PLAGL1: variants seen among roughly 807,000 people sequenced by gnomAD.
PLAGL1 encodes the protein zinc finger protein PLAGL1.
A neutral mutation model predicts 4.6 loss-of-function variants in PLAGL1; 1 was observed. The observed-to-expected ratio is 0.22, with a 90% CI of 0.08 to 1.03. The LOEUF (loss-of-function observed/expected upper bound fraction) is 1.03, where lower values mean the gene tolerates loss of function less well. Ranked by LOEUF, PLAGL1 falls within the 50% of genes least tolerant of loss-of-function variation. The probability of loss-of-function intolerance (pLI) is 0.58; values close to 1 mark genes in which losing one functional copy is unlikely to be tolerated. For missense variants in PLAGL1, 464 were observed against 570.4 expected, an observed-to-expected ratio of 0.81 and a Z score of 1.90; for synonymous variants, 240 against 237.8, an observed-to-expected ratio of 1.01 and a Z score of -0.08.
In PLAGL1 at chr6:143,968,667, A is replaced by G. The variant is rs2128574871; in HGVS notation, c.-472+240T>C. On this transcript the variant is annotated intron_variant, in intron 3 of 7. Coordinates refer to ENST00000674357, the MANE Select transcript of PLAGL1 (RefSeq NM_001317162.2). The surrounding 1 kb of genome is among the most constrained non-coding windows in gnomAD (Gnocchi z 6.3). ...CTCTTGAATTTTTAGAGTGAAAAAC[A>G]GGCTTTCATTAAGTCCACATCTTAA... 6.6e-6 allele frequency: 1 copy of G among 152,360 alleles called. No homozygotes were observed. Among genetic ancestry groups the G allele is most frequent in the African/African-American group, 2.4e-5 (1 of 41,588 alleles). 9.4% of individuals were successfully genotyped at this position (152,360 alleles called of 1,614,324 possible).
In PLAGL1 at chr6:144,000,321, G is replaced by T. The variant is rs1408512819; in HGVS notation, c.-584+7769C>A. ...AGAGATTTGAAGATCAGAAGGAAAA[G>T]AAAAAAATCATTTCTTGCAAATTAT... is the stretch of plus-strand genomic sequence containing the variant. On this transcript the variant is annotated intron_variant, in intron 1 of 7. Coordinates refer to ENST00000674357, the MANE Select transcript of PLAGL1 (RefSeq NM_001317162.2). The surrounding 1 kb of genome is among the most constrained non-coding windows in gnomAD (Gnocchi z 4.1). Among the ~76,000 whole-genome samples, 1 of 151,660 alleles carries T rather than the reference G, an allele frequency of 6.6e-6. No individual in the cohort carries two copies. Among genetic ancestry groups the T allele is most frequent in the Admixed American group, 6.6e-5 (1 of 15,230 alleles).
intron 1 of PLAGL1, among the ~76,000 whole-genome samples, chr6:143,993,329 A>AC (rs779507833): frequency 1.0e-3 from 70 of 66,836 alleles, no homozygotes; most frequent in African/African-American, 3.5e-3. Flanking sequence ...AAAACAAAAC[A>AC]AAACACACAC....
intron 1 of PLAGL1, among the ~76,000 whole-genome samples, chr6:144,002,175 T>G (rs1389708331): frequency 6.6e-6 from 1 of 152,182 alleles, no homozygotes; most frequent in African/African-American, 2.4e-5. Flanking sequence ...TTTGCAATTC[T>G]TGTAAATTTA....
chr6:144,039,671 G>C lies in PLAGL1; in HGVS notation c.-151+24797C>G, dbSNP rs778035603. On this transcript the variant is annotated intron_variant, in intron 1 of 3. Transcript: ENST00000437412. This position sits in a 1 kb window ranked among gnomAD's most constrained non-coding sequence, Gnocchi z 4.1. The stretch of plus-strand genomic sequence containing the variant: ...CAAGGAGAGATTTACACTTCTGATA[G>C]GGGTATTAAATAGCACAACCACTTT... Among the ~76,000 whole-genome samples, 1 of 152,146 alleles carries C rather than the reference G, an allele frequency of 6.6e-6. No individual in the cohort carries two copies. Among genetic ancestry groups the C allele is most frequent in the Non-Finnish European group, 1.5e-5 (1 of 68,010 alleles).
At chr6:144,035,164 G>C (rs1277301360) in intron 1 of PLAGL1, among the ~76,000 whole-genome samples, 4 of 152,050 alleles carry the variant, frequency 2.6e-5, no homozygotes, top group Non-Finnish European at 5.9e-5. Context: ...ATATGAGAGG[G>C]AGTTTATTAA....
intron 1 of PLAGL1, among the ~76,000 whole-genome samples, chr6:144,031,626 T>C (rs954830317): frequency 2.0e-5 from 3 of 152,188 alleles, no homozygotes; most frequent in Non-Finnish European, 2.9e-5. Flanking sequence ...CCACTTTATG[T>C]TTTTGTTTGC....
Position 143,975,963 on chromosome 6 carries a change from A to G in PLAGL1, c.-543-6985T>C, listed in dbSNP as rs1317876498. Among the ~76,000 whole-genome samples, 1 of 152,228 alleles carries G rather than the reference A, an allele frequency of 6.6e-6. No homozygotes were observed. Among genetic ancestry groups the G allele is most frequent in the African/African-American group, 2.4e-5 (1 of 41,462 alleles). ...AGTGCTTTCATGTTTTCAAAGAACT[A>G]ACACATATCTTACTTCGTTGACCCT... On this transcript the variant is annotated intron_variant, in intron 2 of 7. Transcript: ENST00000674357. This position sits in a 1 kb window ranked among gnomAD's most constrained non-coding sequence, Gnocchi z 5.8.
At chr6:143,974,990 C>T (rs1004235965) in intron 2 of PLAGL1, among the ~76,000 whole-genome samples, 5 of 152,188 alleles carry the variant, frequency 3.3e-5, no homozygotes, top group African/African-American at 9.6e-5. Context: ...CACTGAGAAA[C>T]ATTATCCATT....
At chr6:143,986,201 C>T (rs1480797332) in intron 1 of PLAGL1, among the ~76,000 whole-genome samples, 1 of 151,550 alleles carries the variant, frequency 6.6e-6, no homozygotes, top group Non-Finnish European at 1.5e-5. Flanking sequence ...ATGATAAAGT[C>T]AAGATGTTTT....
rs1010849038 is a variant in PLAGL1 at position 143,964,409 on chromosome 6, A to G, written c.-399+378T>C. The stretch of plus-strand genomic sequence containing the variant: ...GGGGAAGCACCTAAATCTTACTGAC[A>G]TGAAATTTTCCTCTAGGTTGGCAGA... On this transcript the variant is annotated intron_variant, in intron 5 of 7. Transcript: ENST00000674357. This position sits in a 1 kb window ranked among gnomAD's most constrained non-coding sequence, Gnocchi z 4.3. Among the ~76,000 whole-genome samples the G allele has an allele frequency of 5.9e-5, 9 of 152,208 alleles. No individual in the cohort carries two copies. Among genetic ancestry groups the G allele is most frequent in the Admixed American group, 5.9e-4 (9 of 15,290 alleles).
At position 144,062,484 on chromosome 6, in the gene PLAGL1, A is replaced by C. The variant is rs1057514087; in HGVS notation, c.-151+1984T>G. ...TGTTATCAGACCAAAAAAAAAAAAAAAAAAAAAAAAACACAGATTTGACTA... is the reference window on the plus strand; with the variant it reads ...TGTTATCAGACCAAAAAAAAAAAAACAAAAAAAAAAACACAGATTTGACTA... On this transcript the variant is annotated intron_variant, in intron 1 of 3. Transcript: ENST00000437412. Among the ~76,000 whole-genome samples the C allele has an allele frequency of 2.1e-4, 32 of 151,124 alleles. No homozygotes were observed. The East Asian group carries it at 3.3e-3, about 16-fold the overall frequency.
chr6:144,000,062 A>G lies in PLAGL1; in HGVS notation c.-584+8028T>C, dbSNP rs948582081. Among the ~76,000 whole-genome samples, 4 of 152,198 alleles carry G rather than the reference A, an allele frequency of 2.6e-5. No homozygotes were observed. Among genetic ancestry groups the G allele is most frequent in the African/African-American group, 9.6e-5 (4 of 41,464 alleles). The stretch of plus-strand genomic sequence containing the variant: ...GCAAGCAATCTGGCTTCACAGTCCA[A>G]TAGATTCAGAAAAAATACTTAATAA... On this transcript the variant is annotated intron_variant, in intron 1 of 7. Coordinates refer to ENST00000674357, the MANE Select transcript of PLAGL1 (RefSeq NM_001317162.2). The surrounding 1 kb of genome is among the most constrained non-coding windows in gnomAD (Gnocchi z 4.1).
chr6:144,003,358 C>T (rs1322642801), intron 1 of PLAGL1, among the ~76,000 whole-genome samples: 1 of 152,130 alleles, frequency 6.6e-6, no homozygotes, highest in Non-Finnish European at 1.5e-5. Context: ...GGCGCGGTGG[C>T]TCACACCTGT....
At position 143,952,951 on chromosome 6, in the gene PLAGL1, C is replaced by T. The variant is rs937056765; in HGVS notation, c.-324-4491G>A. On this transcript the variant is annotated intron_variant, in intron 6 of 7. Transcript: ENST00000674357. The surrounding 1 kb of genome is among the most constrained non-coding windows in gnomAD (Gnocchi z 6.1). ...TCAGGAGAAAGATGATATCCAGAAC[C>T]TCCAGGTAGTCATGGCTGCCATGGC... is the stretch of plus-strand genomic sequence containing the variant. 1.3e-5 allele frequency among the ~76,000 whole-genome samples: 2 copies of T among 152,204 alleles called. No individual in the cohort carries two copies. Among genetic ancestry groups the T allele is most frequent in the African/African-American group, 4.8e-5 (2 of 41,458 alleles).
rs1780270711 is a variant in PLAGL1 at position 143,948,374 on chromosome 6, G to A, written c.-238C>T. On this transcript the variant is annotated 5_prime_UTR_variant, in exon 7 of 8. Coordinates refer to ENST00000674357, the MANE Select transcript of PLAGL1 (RefSeq NM_001317162.2). This position sits in a 1 kb window ranked among gnomAD's most constrained non-coding sequence, Gnocchi z 6.0. Reference sequence around the variant, plus strand: ...TACATGCAGTCTCAAGCTGAGGGGAGAAAGTCTGAGGCACAGGTGCGATTC... The same window carrying A: ...TACATGCAGTCTCAAGCTGAGGGGAAAAAGTCTGAGGCACAGGTGCGATTC... 2.1e-6 allele frequency: 1 copy of A among 471,206 alleles called. No individual in the cohort carries two copies. The highest frequency in any genetic ancestry group is 3.9e-6 in the Non-Finnish European group (1 of 258,768). 29.2% of individuals were successfully genotyped at this position (471,206 alleles called of 1,614,324 possible).
At position 143,948,335 on chromosome 6, in the gene PLAGL1, C is replaced by T; in HGVS notation, c.-199G>A. On this transcript the variant is annotated 5_prime_UTR_variant, in exon 7 of 8. Transcript: ENST00000674357. This position sits in a 1 kb window ranked among gnomAD's most constrained non-coding sequence, Gnocchi z 6.0. ...TGTCACTAGCTTTGCTTCCTGCTTT[C>T]ACACATCCCAGTTTACATGCAGTCT... 1.8e-6 allele frequency: 1 copy of T among 554,566 alleles called. No homozygotes were observed. The highest frequency in any genetic ancestry group is 3.0e-5 in the East Asian group (1 of 33,302). 34.4% of individuals were successfully genotyped at this position (554,566 alleles called of 1,614,324 possible). A position where few individuals can be genotyped will look rare whatever the true frequency, so the allele number is the denominator to read the frequency against.
intron 7 of PLAGL1, among the ~76,000 whole-genome samples, chr6:143,944,245 T>G (rs1356266928): frequency 2.6e-5 from 4 of 152,126 alleles, no homozygotes; most frequent in African/African-American, 7.2e-5. Flanking sequence ...ATTACACCTT[T>G]CAGCCAACAT....
At position 144,027,243 on chromosome 6, in the gene PLAGL1, GA is replaced by G. The variant is rs1159218241; in HGVS notation, c.-151+37224del. Among the ~76,000 whole-genome samples, 1 of 80,208 alleles carries G rather than the reference GA, an allele frequency of 1.2e-5. No homozygotes were observed. The highest frequency in any genetic ancestry group is 2.8e-5 in the Non-Finnish European group (1 of 35,532). The allele number at this position is 80,208 out of a possible 152,430, so 52.6% of individuals were successfully genotyped here. On this transcript the variant is annotated intron_variant, in intron 1 of 3. Coordinates refer to the PLAGL1 transcript ENST00000437412. This position sits in a 1 kb window ranked among gnomAD's most constrained non-coding sequence, Gnocchi z 5.8. ...CAACTCAAAGAACGAACGAAAGAAA[GA>G]AAGAAAGAAAGAAAGAAAGAAAGAA...
In PLAGL1 at chr6:143,979,806, C is replaced by G. The variant is rs191647276; in HGVS notation, c.-544+5329G>C. Among the ~76,000 whole-genome samples the G allele has an allele frequency of 6.6e-6, 1 of 151,972 alleles. No homozygotes were observed. Among genetic ancestry groups the G allele is most frequent in the Admixed American group, 6.5e-5 (1 of 15,272 alleles). On this transcript the variant is annotated intron_variant, in intron 2 of 7. Transcript: ENST00000674357. The surrounding 1 kb of genome is among the most constrained non-coding windows in gnomAD (Gnocchi z 4.6). Reference sequence around the variant, plus strand: ...GCATTATTTTCCTTCTTTATTAAATCAACTGACAATAAATGTGAGAGTTTA... The same window carrying G: ...GCATTATTTTCCTTCTTTATTAAATGAACTGACAATAAATGTGAGAGTTTA...
Sources: gnomAD v4.1 joint callset for allele counts (sites outside exome capture counted in the v4.1 genomes callset) on GRCh38, gnomAD v4.1.1 for gene constraint, Gnocchi (gnomAD v3.1) non-coding constraint, MANE v1.5 for transcripts, NCBI Gene and HGNC (gene_info 2026-07-23, HGNC 2026-07-21) for gene names.